The following SDK1 variants were observed in gnomAD, a reference collection of about 807,000 sequenced individuals.
SDK1 encodes protein sidekick-1.
In SDK1, 157 loss-of-function variants were observed where a neutral mutation model predicts 245.5. That is an observed-to-expected ratio of 0.64 (90% CI 0.56 to 0.73). SDK1 has a LOEUF of 0.73. SDK1 is among the 30% of genes least tolerant of loss of function. The pLI is 0.00. For synonymous variants in SDK1, 1,647 were observed against 1,278.5 expected (o/e 1.29, Z -6.15); for missense variants, 3,583 against 3,002.3 (o/e 1.19, Z -4.52).
intron 35 of SDK1, among the ~76,000 whole-genome samples, chr7:4,199,173 A>G (rs1783749837): frequency 6.6e-6 from 1 of 152,260 alleles, no homozygotes; most frequent in Middle Eastern, 3.4e-3. Context: ...TGTGTGTACA[A>G]ACTGCATATA....
At chr7:4,077,933 G>A (rs757735748) in intron 21 of SDK1, among the ~76,000 whole-genome samples, 7 of 152,276 alleles carry the variant, frequency 4.6e-5, no homozygotes, top group African/African-American at 9.6e-5. Flanking sequence ...TATATATAGC[G>A]ACCAAGGTTA....
chr7:3,394,970 T>A (rs1041849734), intron 1 of SDK1, among the ~76,000 whole-genome samples: 5 of 152,094 alleles, frequency 3.3e-5, no homozygotes, highest in African/African-American at 1.2e-4. Context: ...TTTACCACTT[T>A]CTTTACAAAC....
intron 1 of SDK1, among the ~76,000 whole-genome samples, chr7:3,459,285 G>A (rs1004168802): frequency 6.6e-6 from 1 of 152,146 alleles, no homozygotes; most frequent in Non-Finnish European, 1.5e-5. Flanking sequence ...TGTAAGGTAT[G>A]CTTTCAGTTG....
At chr7:4,137,098 A>T (rs1011849928) in intron 28 of SDK1, among the ~76,000 whole-genome samples, 1 of 152,174 alleles carries the variant, frequency 6.6e-6, no homozygotes, top group Non-Finnish European at 1.5e-5. Flanking sequence ...CTCTCAGACA[A>T]TGCCTTTTGT....
intron 1 of SDK1, among the ~76,000 whole-genome samples, chr7:3,417,396 C>G (rs549700828): frequency 3.9e-5 from 6 of 152,282 alleles, no homozygotes; most frequent in African/African-American, 1.4e-4. Context: ...GTTTGCCAAA[C>G]TTTTTTTCAG....
At chr7:3,718,564 TAA>T (rs549171745) in intron 4 of SDK1, among the ~76,000 whole-genome samples, 1 of 142,434 alleles carries the variant, frequency 7.0e-6, no homozygotes, top group East Asian at 2.0e-4. Context: ...AATAAATAAA[TAA>T]ATAAATAAAT....
intron 5 of SDK1, among the ~76,000 whole-genome samples, chr7:3,891,807 A>C (rs190212721): frequency 6.6e-6 from 1 of 152,304 alleles, no homozygotes; most frequent in Non-Finnish European, 1.5e-5. Flanking sequence ...GCCAACCTTA[A>C]TTTGGTGAGA....
chr7:3,514,979 T>C (rs918568707), intron 1 of SDK1, among the ~76,000 whole-genome samples: 1 of 152,206 alleles, frequency 6.6e-6, no homozygotes, highest in African/African-American at 2.4e-5. Flanking sequence ...TGGGCCCTTT[T>C]CTCTGCTGAA....
At chr7:3,597,159 C>A (rs1781094111) in intron 1 of SDK1, among the ~76,000 whole-genome samples, 2 of 151,542 alleles carry the variant, frequency 1.3e-5, no homozygotes, top group African/African-American at 2.4e-5. Flanking sequence ...GTAGTCCCAG[C>A]TACTCAGGAG....
intron 1 of SDK1, among the ~76,000 whole-genome samples, chr7:3,452,316 G>T (rs918389727): frequency 1.3e-5 from 2 of 152,050 alleles, no homozygotes; most frequent in Admixed American, 6.5e-5. Flanking sequence ...CTAAGCACTT[G>T]GTTGCTTTCT....
chr7:3,672,958 A>G (rs1783765680), intron 4 of SDK1, among the ~76,000 whole-genome samples: 1 of 150,666 alleles, frequency 6.6e-6, no homozygotes, highest in East Asian at 1.9e-4. Flanking sequence ...GCATCTTTTA[A>G]TATTACTTCC....
chr7:3,596,287 G>C (rs951205555), intron 1 of SDK1, among the ~76,000 whole-genome samples: 5 of 152,092 alleles, frequency 3.3e-5, no homozygotes, highest in Non-Finnish European at 2.9e-5. Context: ...TTCAGTAATA[G>C]GCAGTCTCCT....
chr7:3,686,772 G>T (rs1424198163), intron 4 of SDK1, among the ~76,000 whole-genome samples: 1 of 152,188 alleles, frequency 6.6e-6, no homozygotes, highest in African/African-American at 2.4e-5. Flanking sequence ...AGCTGCAGGG[G>T]ACGAGGTCAG....
In SDK1 at chr7:4,074,892, A is replaced by G. The variant is rs1396054577; in HGVS notation, c.3011-2106A>G. ...TCTCTCTCTCTCTCTCTCTGTATAT[A>G]TATATATATATATATATATATATAT... On this transcript the variant is annotated intron_variant, in intron 20 of 44. Coordinates refer to ENST00000404826, the MANE Select transcript of SDK1 (RefSeq NM_152744.4). 3.8e-3 allele frequency among the ~76,000 whole-genome samples: 256 copies of G among 68,266 alleles called. 17 individuals are homozygous for G. Among genetic ancestry groups the G allele is most frequent in the African/African-American group, 0.023 (186 of 8,236 alleles). The allele number at this position is 68,266 out of a possible 152,430, so 44.8% of individuals were successfully genotyped here.
intron 1 of SDK1, among the ~76,000 whole-genome samples, chr7:3,357,936 C>T (rs534826976): frequency 6.6e-6 from 1 of 152,264 alleles, no homozygotes; most frequent in African/African-American, 2.4e-5. Flanking sequence ...TATAGAGTAA[C>T]ATAAATGATG....
intron 1 of SDK1, among the ~76,000 whole-genome samples, chr7:3,400,450 G>T (rs1778858868): frequency 6.6e-6 from 1 of 152,066 alleles, no homozygotes. Flanking sequence ...TTTATAACAA[G>T]TGAAAAAGTA....
chr7:4,094,181 C>T lies in SDK1; in HGVS notation c.3324+14597C>T, dbSNP rs187820402. ...AAGCGATTCTCCTGCCTCAGCCTCCCGAGTAGAGTGGCTGGGATTACAGGC... is the reference window on the plus strand; with the variant it reads ...AAGCGATTCTCCTGCCTCAGCCTCCTGAGTAGAGTGGCTGGGATTACAGGC... On this transcript the variant is annotated intron_variant, in intron 22 of 44. Transcript: ENST00000404826. Among the ~76,000 whole-genome samples, 7 of 152,186 alleles carry T rather than the reference C, an allele frequency of 4.6e-5. 1 individual carries two copies. The highest frequency in any genetic ancestry group is 4.2e-4 in the South Asian group (2 of 4,818).
At chr7:3,421,879 T>C (rs1779544799) in intron 1 of SDK1, among the ~76,000 whole-genome samples, 1 of 152,086 alleles carries the variant, frequency 6.6e-6, no homozygotes, top group Non-Finnish European at 1.5e-5. Context: ...TTGAGACTCT[T>C]GGAAAGTGGG....
chr7:4,036,481 T>C (rs17134237), intron 17 of SDK1, among the ~76,000 whole-genome samples: 1 of 152,172 alleles, frequency 6.6e-6, no homozygotes, highest in Non-Finnish European at 1.5e-5. Context: ...CTGACTTCTT[T>C]AGGATTACAA....
Sources: allele counts gnomAD v4.1 joint callset (sites outside exome capture counted in the v4.1 genomes callset), GRCh38; gene constraint gnomAD v4.1.1; transcripts MANE v1.5; gene names NCBI Gene and HGNC (gene_info 2026-07-23, HGNC 2026-07-21).